LINGO2: variants seen among roughly 807,000 people sequenced by gnomAD.
LINGO2 encodes the protein leucine rich repeat and Ig domain containing 2, also known as leucine-rich repeat and immunoglobulin-like domain-containing nogo receptor-interacting protein 2.
LINGO2 carries 14 observed loss-of-function variants against 30.6 expected under a neutral mutation model. The ratio of observed to expected loss-of-function variants is 0.46; its 90% CI spans 0.30 to 0.72. The LOEUF (loss-of-function observed/expected upper bound fraction) is 0.72. LINGO2 is among the 30% of genes least tolerant of loss of function. The pLI is 0.07. For missense variants in LINGO2, 729 were observed against 751.7 expected, an observed-to-expected ratio of 0.97 and a Z score of 0.35; for synonymous variants, 317 against 288.5, an observed-to-expected ratio of 1.10 and a Z score of -1.00.
downstream of LINGO2, chr9:27,943,156 G>C (rs1160363174): frequency 6.6e-6 from 1 of 152,088 alleles, no homozygotes; most frequent in African/African-American, 2.4e-5. Context: ...GCAGTGTAAA[G>C]ATATTAAAGC....
chr9:28,523,932 T>A (rs2135407624), intron 1 of LINGO2, among the ~76,000 whole-genome samples: 1 of 151,756 alleles, frequency 6.6e-6, no homozygotes, highest in African/African-American at 2.4e-5. Flanking sequence ...AACCAGATTC[T>A]AAAATTCAGG....
intron 3 of LINGO2, among the ~76,000 whole-genome samples, chr9:28,363,357 C>A (rs1820530309): frequency 6.6e-6 from 1 of 152,170 alleles, no homozygotes; most frequent in South Asian, 2.1e-4. Flanking sequence ...TATGAGAAAA[C>A]CAGACCTGAG....
chr9:27,949,165 A>G (rs546990838), exon 6 of LINGO2: 9 of 1,614,100 alleles, frequency 5.6e-6, no homozygotes, highest in Non-Finnish European at 7.6e-6. Context: ...TCTGAAGCGA[A>G]TCCTTTCACA....
the LINGO2 span, among the ~76,000 whole-genome samples, chr9:29,109,929 T>C: frequency 4.6e-5 from 7 of 152,204 alleles, no homozygotes. Context: ...AAGCCTCTTC[T>C]ATTCATAGGT....
At chr9:29,123,535 A>T in the LINGO2 span, among the ~76,000 whole-genome samples, 4 of 148,576 alleles carry the variant, frequency 2.7e-5, no homozygotes, top group Non-Finnish European at 4.5e-5. Context: ...CTTATTAGTT[A>T]AAAAAAAAAT....
the LINGO2 span, among the ~76,000 whole-genome samples, chr9:29,199,533 T>C: frequency 6.6e-6 from 1 of 152,070 alleles, no homozygotes; most frequent in African/African-American, 2.4e-5. Flanking sequence ...AGAGGCAGCA[T>C]CCTTGAACAG....
chr9:28,074,297 G>C (rs1325061549), intron 4 of LINGO2, among the ~76,000 whole-genome samples: 1 of 152,156 alleles, frequency 6.6e-6, no homozygotes, highest in African/African-American at 2.4e-5. Flanking sequence ...TAATTTAGCA[G>C]CTAATATCTC....
At chr9:28,210,797 T>C (rs552527837) in intron 4 of LINGO2, among the ~76,000 whole-genome samples, 3 of 146,276 alleles carry the variant, frequency 2.1e-5, no homozygotes, top group East Asian at 2.0e-4. Flanking sequence ...AGAAATATTA[T>C]ATTTTTATTT....
the LINGO2 span, among the ~76,000 whole-genome samples, chr9:28,906,909 A>G: frequency 6.6e-6 from 1 of 151,918 alleles, no homozygotes; most frequent in African/African-American, 2.4e-5. Flanking sequence ...TCATTATAAA[A>G]AGTTCTGTCA....
intron 1 of LINGO2, among the ~76,000 whole-genome samples, chr9:28,638,773 C>A (rs562351305): frequency 6.6e-6 from 1 of 152,164 alleles, no homozygotes; most frequent in South Asian, 2.1e-4. Context: ...AAAACCAGCT[C>A]CTGGATTCAT....
At chr9:28,250,375 T>C (rs1219184130) in intron 4 of LINGO2, among the ~76,000 whole-genome samples, 1 of 152,196 alleles carries the variant, frequency 6.6e-6, no homozygotes, top group Admixed American at 6.5e-5. Flanking sequence ...GGCTAGAGAA[T>C]TTAGCACAGT....
chr9:28,305,615 A>G (rs986764485), intron 3 of LINGO2, among the ~76,000 whole-genome samples: 1 of 152,038 alleles, frequency 6.6e-6, no homozygotes, highest in Non-Finnish European at 1.5e-5. Flanking sequence ...GTTCCCAATA[A>G]TATAAAATTA....
At chr9:28,412,058 T>A (rs1380746345) in intron 2 of LINGO2, among the ~76,000 whole-genome samples, 1 of 151,920 alleles carries the variant, frequency 6.6e-6, no homozygotes, top group East Asian at 1.9e-4. Flanking sequence ...GTGTTATTTG[T>A]ACCCAACAAG....
At chr9:28,252,347 T>A (rs1379657976) in intron 4 of LINGO2, among the ~76,000 whole-genome samples, 1 of 152,116 alleles carries the variant, frequency 6.6e-6, no homozygotes, top group African/African-American at 2.4e-5. Flanking sequence ...TGCCTCAGTC[T>A]CCTGAGTAGC....
At chr9:28,488,091 C>T (rs1826245478) in intron 1 of LINGO2, among the ~76,000 whole-genome samples, 1 of 152,130 alleles carries the variant, frequency 6.6e-6, no homozygotes, top group African/African-American at 2.4e-5. Flanking sequence ...ACAGTCATTT[C>T]TCTAGGATAA....
the LINGO2 span, among the ~76,000 whole-genome samples, chr9:29,067,625 T>C: frequency 1.5e-4 from 22 of 151,552 alleles, no homozygotes; most frequent in South Asian, 4.6e-3. Context: ...CAGTGTGCTA[T>C]GTTGGAAATA....
intron 3 of LINGO2, among the ~76,000 whole-genome samples, chr9:28,344,850 A>G (rs1819503916): frequency 6.6e-6 from 1 of 152,100 alleles, no homozygotes; most frequent in Non-Finnish European, 1.5e-5. Flanking sequence ...AGCTTAGCAA[A>G]CAGTTTACCT....
chr9:28,190,117 C>T (rs1050217366), intron 4 of LINGO2, among the ~76,000 whole-genome samples: 8 of 152,148 alleles, frequency 5.3e-5, no homozygotes, highest in African/African-American at 1.9e-4. Flanking sequence ...AAGACAGCCA[C>T]ATTTTCAAGT....
the LINGO2 span, among the ~76,000 whole-genome samples, chr9:28,688,872 ATCTG>A: frequency 3.9e-5 from 6 of 152,158 alleles, no homozygotes; most frequent in Non-Finnish European, 5.9e-5. Context: ...ATAATATGTC[ATCTG>A]TCTGTCTTTT....
Sources: allele counts gnomAD v4.1 joint callset (sites outside exome capture counted in the v4.1 genomes callset), GRCh38; gene constraint gnomAD v4.1.1; transcripts MANE v1.5; gene names NCBI Gene and HGNC (gene_info 2026-07-23, HGNC 2026-07-21).